PRKDC: variants seen among roughly 807,000 people sequenced by gnomAD.
PRKDC encodes the protein DNA-dependent protein kinase catalytic subunit.
Under a neutral mutation model 486.9 loss-of-function variants are expected in PRKDC, and 82 were observed. That is an observed-to-expected ratio of 0.17 (90% CI 0.14 to 0.20). The LOEUF (loss-of-function observed/expected upper bound fraction) is 0.20, where lower values mean the gene tolerates loss of function less well. Among genes scored for constraint, PRKDC ranks in the 10% least tolerant of loss-of-function variants. The pLI, the probability that PRKDC is intolerant of heterozygous loss-of-function variation, is 1.00. For missense variants in PRKDC, 4,504 were observed against 5,038.2 expected (o/e 0.89, Z 3.21); for synonymous variants, 1,895 against 1,837.0 (o/e 1.03, Z -0.81).
intron 74 of PRKDC, among the ~76,000 whole-genome samples, chr8:47,790,585 G>A (rs549485149): frequency 2.6e-4 from 40 of 152,270 alleles, no homozygotes; most frequent in African/African-American, 9.1e-4. Context: ...AACCACAAAA[G>A]ACCCAGAGCA....
At chr8:47,876,660 CAA>C (rs777302610) in intron 40 of PRKDC, among the ~76,000 whole-genome samples, 6 of 129,788 alleles carry the variant, frequency 4.6e-5, no homozygotes. Flanking sequence ...GACTCTGTCT[CAA>C]AAAAAAAAAA....
chr8:47,784,304 T>C (rs1428956060), intron 77 of PRKDC, among the ~76,000 whole-genome samples: 1 of 152,096 alleles, frequency 6.6e-6, no homozygotes, highest in Non-Finnish European at 1.5e-5. Flanking sequence ...TTATGGAAGT[T>C]AGCACTCTAT....
chr8:47,823,589 AT>A (rs538957032), intron 64 of PRKDC, among the ~76,000 whole-genome samples: 113 of 148,698 alleles, frequency 7.6e-4, no homozygotes, highest in African/African-American at 1.1e-3. Context: ...TTTCTTTATA[AT>A]TTTTTTTTTT....
At chr8:47,881,095 C>A (rs1054450630) in intron 38 of PRKDC, among the ~76,000 whole-genome samples, 11 of 149,398 alleles carry the variant, frequency 7.4e-5, no homozygotes, top group East Asian at 5.8e-4. Flanking sequence ...AGAAAGCAAG[C>A]AAGCAAGCAA....
rs2088196000 is a variant in PRKDC at position 47,843,411 on chromosome 8, G to A, written c.7281-3222C>T. ...TGGATTATGTAAAAATCCATTATAT[G>A]TAAAAAGAACCAAACCTATGACTTA... On this transcript the variant is annotated intron_variant, in intron 54 of 85. Transcript: ENST00000314191. 1.3e-5 allele frequency among the ~76,000 whole-genome samples: 2 copies of A among 152,108 alleles called. 1 individual carries two copies. Among genetic ancestry groups the A allele is most frequent in the South Asian group, 4.1e-4 (2 of 4,828 alleles).
chr8:47,817,952 A>T, intron 67 of PRKDC, among the ~76,000 whole-genome samples: 1 of 152,236 alleles, frequency 6.6e-6, no homozygotes, highest in East Asian at 1.9e-4. Flanking sequence ...TATGGCATCA[A>T]TGTGAATATT....
At position 47,857,139 on chromosome 8, in the gene PRKDC, G is replaced by A; in HGVS notation, c.6609+17C>T. ...CAAAGGATAATATATTAACATAAAA[G>A]ATGCATCAATCCTTACTGTTGGAGT... On this transcript the variant is annotated intron_variant, in intron 49 of 85. Transcript: ENST00000314191. 6.2e-7 allele frequency: 1 copy of A among 1,609,710 alleles called. No homozygotes were observed. The highest frequency in any genetic ancestry group is 1.7e-5 in the Admixed American group (1 of 58,914).
At position 47,957,412 on chromosome 8, in the gene PRKDC, A is replaced by T; in HGVS notation, c.174T>A (p.Val58=). 6.3e-7 allele frequency: 1 copy of T among 1,587,598 alleles called. No individual in the cohort carries two copies. ...CAAGCAAACCGAAATCTCTGGAAAA[A>T]ACTAAAGATGTCTGTAATGCTGTTC... ...PAVLALQTSL[V]FSRDFGLLVF... is the part of the protein sequence containing the mutation. Residue 58 remains valine (V), a synonymous_variant, in exon 2 of 86, where the codon GTT becomes GTA. Transcript: ENST00000314191.
chr8:47,893,047 A>T, intron 31 of PRKDC, 92 bp downstream of exon 31: 2 of 1,423,904 alleles, frequency 1.4e-6, no homozygotes, highest in Non-Finnish European at 1.9e-6. Flanking sequence ...AGCACCTACC[A>T]TCATGTCGCT....
At chr8:47,944,078 A>G in intron 7 of PRKDC, 49 bp from the exon 8 acceptor site, 1 of 1,435,608 alleles carries the variant, frequency 7.0e-7, no homozygotes. Context: ...ACAGTATCAC[A>G]TAACACACTT....
rs1029177668 is a variant in PRKDC at position 47,864,706 on chromosome 8, C to T, written c.5421G>A (p.Lys1807=). The change falls in exon 41 of 86, where the codon AAG becomes AAA. Residue 1807 remains lysine, a synonymous_variant. Transcript: ENST00000314191. ...GTGTGAAACTTAGGCGGGGGTCATCCTTCCTGAACATTTCATACACGCTTT... is the reference window on the plus strand; with the variant it reads ...GTGTGAAACTTAGGCGGGGGTCATCTTTCCTGAACATTTCATACACGCTTT... The part of the protein sequence containing the change: ...LLESVYEMFR[K]DDPRLSFTRQ... The T allele has an allele frequency of 1.2e-6, 2 of 1,606,772 alleles. No homozygotes were observed. Among genetic ancestry groups the T allele is most frequent in the Non-Finnish European group, 8.5e-7 (1 of 1,176,406 alleles).
rs373813541 is a variant in PRKDC, at chr8:47,934,003, C to A, written c.1585G>T (p.Asp529Tyr). Residue 529 changes from aspartate to tyrosine, a missense_variant, in exon 15 of 86, where the codon GAT (aspartate) becomes TAT (tyrosine). Physicochemically the swap from Asp to Tyr is radical, Grantham distance 160. Coordinates refer to ENST00000314191, the MANE Select transcript of PRKDC (RefSeq NM_006904.7). ...WKVPTYKDYV[D>Y]LFRHLLSSDQ... ...GAGCTCAGGAGATGTCTGAAGAGAT[C>A]CACGTAGTCTTTGTATGTGGGCACC... 6.2e-7 allele frequency: 1 copy of A among 1,613,208 alleles called. No individual in the cohort carries two copies. The highest frequency in any genetic ancestry group is 1.1e-5 in the South Asian group (1 of 91,044).
At chr8:47,904,736 T>A in intron 26 of PRKDC, 133 bp downstream of exon 26, 1 of 623,116 alleles carries the variant, frequency 1.6e-6, no homozygotes, top group Non-Finnish European at 2.7e-6. Context: ...CAGGTTGCAG[T>A]GAGCCAAGAT....
intron 85 of PRKDC, among the ~76,000 whole-genome samples, chr8:47,775,199 A>AT (rs2086584146): frequency 2.0e-5 from 3 of 151,288 alleles, no homozygotes; most frequent in Admixed American, 6.6e-5. Flanking sequence ...AAATAAATAA[A>AT]TAAATAAATA....
At chr8:47,819,342 T>C (rs1414638474) in intron 67 of PRKDC, 60 bp downstream of exon 67, 3 of 1,121,118 alleles carry the variant, frequency 2.7e-6, no homozygotes, top group Non-Finnish European at 3.8e-6. Context: ...GAAAATAATT[T>C]AGATGCTAAA....
In PRKDC at chr8:47,954,458, C is replaced by T. The variant is rs2090671567; in HGVS notation, c.400-12G>A. 1 of 1,051,792 alleles carries T rather than the reference C, an allele frequency of 9.5e-7. No individual in the cohort carries two copies. Among genetic ancestry groups the T allele is most frequent in the African/African-American group, 1.6e-5 (1 of 60,654 alleles). The allele number at this position is 1,051,792 out of a possible 1,614,324, so 65.2% of individuals were successfully genotyped here. On this transcript the variant is annotated splice_polypyrimidine_tract_variant and intron_variant, in intron 4 of 85. Coordinates refer to ENST00000314191, the MANE Select transcript of PRKDC (RefSeq NM_006904.7). ...AAAGTCTGAAGTAACTAAAAGAATACAAATTAGTACATCAATGTAGTGCGG... is the reference window on the plus strand; with the variant it reads ...AAAGTCTGAAGTAACTAAAAGAATATAAATTAGTACATCAATGTAGTGCGG...
At chr8:47,931,387 G>C (rs915221396) in intron 16 of PRKDC, among the ~76,000 whole-genome samples, 1 of 152,138 alleles carries the variant, frequency 6.6e-6, no homozygotes, top group African/African-American at 2.4e-5. Context: ...GAAGCTGGAA[G>C]GGCAGGGAAC....
chr8:47,907,627 C>T (rs186552625), intron 25 of PRKDC, among the ~76,000 whole-genome samples: 1 of 149,412 alleles, frequency 6.7e-6, no homozygotes, highest in Admixed American at 6.7e-5. Context: ...CTCTGACTCC[C>T]GGGTTCAAGT....
rs777145246 is a variant in PRKDC at position 47,817,454 on chromosome 8, T to C, written c.9553A>G (p.Asn3185Asp). The C allele has an allele frequency of 6.3e-7, 1 of 1,589,728 alleles. No homozygotes were observed. Among genetic ancestry groups the C allele is most frequent in the East Asian group, 2.2e-5 (1 of 44,610 alleles). ...CTGAAAGGGACCACGTCTTACCGAT[T>C]TGTGATGATGTCATCCCAGATGTTC... ...PMNIWDDIIT[N>D]RCFFLSKIEE... The change falls in exon 68 of 86, where the codon AAT becomes GAT. Residue 3185 changes from asparagine (N) to aspartate (D), a missense_variant. Around this residue, in one of 6 missense-constraint regions of PRKDC, gnomAD observed 1,592 missense variants for 1,724.6 expected, o/e 0.92. Transcript: ENST00000314191.
Sources: allele counts gnomAD v4.1 joint callset (sites outside exome capture counted in the v4.1 genomes callset), GRCh38; gene constraint gnomAD v4.1.1; regional missense constraint gnomAD v4.1.1; transcripts MANE v1.5; gene names NCBI Gene and HGNC (gene_info 2026-07-23, HGNC 2026-07-21).